The following THSD7A variants were observed in gnomAD, a reference collection of about 807,000 sequenced individuals.
THSD7A encodes the protein thrombospondin type-1 domain-containing protein 7A.
In THSD7A, 96 loss-of-function variants were observed where a neutral mutation model predicts 231.3. The ratio of observed to expected loss-of-function variants is 0.41; its 90% CI spans 0.35 to 0.49. The LOEUF (loss-of-function observed/expected upper bound fraction) is 0.49, where lower values mean the gene tolerates loss of function less well. THSD7A is among the 20% of genes least tolerant of loss of function. THSD7A has a pLI of 0.05. For synonymous variants in THSD7A, 940 were observed against 743.3 expected (o/e 1.26, Z -4.30); for missense variants, 2,290 against 2,070.2 (o/e 1.11, Z -2.06).
intron 1 of THSD7A, among the ~76,000 whole-genome samples, chr7:11,672,925 A>T (rs1376207693): frequency 2.0e-5 from 3 of 152,194 alleles, no homozygotes; most frequent in African/African-American, 7.2e-5. Flanking sequence ...CTGAAGTAAA[A>T]TTATGATTAA....
chr7:11,785,453 T>C (rs112965018), intron 1 of THSD7A, among the ~76,000 whole-genome samples: 2,235 of 152,248 alleles, frequency 0.015, 50 homozygotes, highest in African/African-American at 0.051. Context: ...CTACTTTTCA[T>C]GTTGAACTAC....
intron 1 of THSD7A, among the ~76,000 whole-genome samples, chr7:11,799,362 T>C (rs1784216522): frequency 6.6e-6 from 1 of 152,236 alleles, no homozygotes; most frequent in South Asian, 2.1e-4. Context: ...GTTCTTTTTA[T>C]TTGTAATGAC....
intron 1 of THSD7A, among the ~76,000 whole-genome samples, chr7:11,710,640 T>C (rs1033100326): frequency 1.3e-5 from 2 of 150,826 alleles, no homozygotes; most frequent in Non-Finnish European, 3.0e-5. Flanking sequence ...GCTGACCTAC[T>C]TCTCGGGAAA....
intron 24 of THSD7A, 26 bp downstream of exon 24, chr7:11,382,495 A>C (rs1226066293): frequency 2.5e-6 from 4 of 1,569,770 alleles, no homozygotes; most frequent in Non-Finnish European, 3.5e-6. Flanking sequence ...AGATTTTCAA[A>C]GGACAAAGAG....
chr7:11,528,771 TAA>T (rs1244584966), intron 6 of THSD7A, among the ~76,000 whole-genome samples: 2 of 152,164 alleles, frequency 1.3e-5, no homozygotes, highest in Non-Finnish European at 2.9e-5. Context: ...GCTCCTGAGA[TAA>T]GAAATCTCAT....
intron 4 of THSD7A, among the ~76,000 whole-genome samples, chr7:11,544,338 C>T (rs945658965): frequency 6.7e-6 from 1 of 149,692 alleles, no homozygotes; most frequent in South Asian, 2.1e-4. Flanking sequence ...GAGACACAGT[C>T]GGAAAAAAAA....
intron 1 of THSD7A, among the ~76,000 whole-genome samples, chr7:11,830,235 TG>T (rs1299718037): frequency 6.6e-6 from 1 of 152,230 alleles, no homozygotes; most frequent in Non-Finnish European, 1.5e-5. Context: ...GAATGTTGGC[TG>T]GGCTCTTTTC....
At chr7:11,442,423 C>G (rs1784835221) in intron 13 of THSD7A, among the ~76,000 whole-genome samples, 1 of 151,982 alleles carries the variant, frequency 6.6e-6, no homozygotes, top group Admixed American at 6.6e-5. Flanking sequence ...AACAGAAATA[C>G]CCCAAGGACA....
intron 6 of THSD7A, among the ~76,000 whole-genome samples, chr7:11,507,336 C>G (rs775629691): frequency 9.2e-5 from 14 of 151,976 alleles, no homozygotes; most frequent in Non-Finnish European, 1.9e-4. Context: ...GCAATTCTCA[C>G]CAATACAAAG....
At chr7:11,811,399 T>C (rs1784524837) in intron 1 of THSD7A, among the ~76,000 whole-genome samples, 2 of 152,294 alleles carry the variant, frequency 1.3e-5, no homozygotes, top group South Asian at 4.1e-4. Flanking sequence ...GTTTTCTTCC[T>C]CCTCAAGAGA....
chr7:11,473,104 C>A (rs1786002308), intron 8 of THSD7A, among the ~76,000 whole-genome samples: 1 of 152,114 alleles, frequency 6.6e-6, no homozygotes, highest in South Asian at 2.1e-4. Flanking sequence ...ATTCAAATCT[C>A]ACTGGCATGT....
intron 2 of THSD7A, among the ~76,000 whole-genome samples, chr7:11,602,750 T>C (rs1440618284): frequency 6.6e-6 from 1 of 151,768 alleles, no homozygotes; most frequent in Non-Finnish European, 1.5e-5. Flanking sequence ...CATTGAAACA[T>C]GTGGCACAAA....
chr7:11,488,214 T>A (rs73068781), intron 6 of THSD7A, among the ~76,000 whole-genome samples: 20,273 of 152,220 alleles, frequency 0.13, 1,504 homozygotes, highest in Middle Eastern at 0.19. Context: ...GTTTTTGATA[T>A]GTTTTGTGTT....
rs1045224363 is a variant in THSD7A at position 11,402,045 on chromosome 7, C to T, written c.4238-77G>A. 1.3e-5 allele frequency: 16 copies of T among 1,238,688 alleles called. No individual in the cohort carries two copies. The African/African-American group carries it at 2.0e-4, about 15-fold the overall frequency. The allele number at this position is 1,238,688 out of a possible 1,614,324, so 76.7% of individuals were successfully genotyped here. ...CCCGATAATCATTTTAATTCCAACC[C>T]CAGTAGGCAATGTTTCTGGTATCCC... On this transcript the variant is annotated intron_variant, in intron 22 of 27. Coordinates refer to ENST00000423059, the MANE Select transcript of THSD7A (RefSeq NM_015204.3).
intron 4 of THSD7A, among the ~76,000 whole-genome samples, chr7:11,550,995 A>T (rs948476404): frequency 6.6e-6 from 1 of 152,160 alleles, no homozygotes; most frequent in African/African-American, 2.4e-5. Flanking sequence ...ATTCAAAAAC[A>T]GACACATAAA....
intron 13 of THSD7A, among the ~76,000 whole-genome samples, chr7:11,442,791 G>T (rs951340352): frequency 6.6e-6 from 1 of 152,036 alleles, no homozygotes; most frequent in Admixed American, 6.6e-5. Flanking sequence ...ACCAGATTGA[G>T]AAAGGAATGA....
At chr7:11,614,599 A>G (rs1781043593) in intron 2 of THSD7A, among the ~76,000 whole-genome samples, 1 of 152,244 alleles carries the variant, frequency 6.6e-6, no homozygotes, top group Admixed American at 6.5e-5. Context: ...TTCTAGCTGA[A>G]AGCTAAAGAA....
In THSD7A at chr7:11,634,376, C is replaced by T. The variant is rs533376524; in HGVS notation, c.1022+1754G>A. Among the ~76,000 whole-genome samples, 5 of 152,126 alleles carry T rather than the reference C, an allele frequency of 3.3e-5. No individual in the cohort carries two copies. Among genetic ancestry groups the T allele is most frequent in the East Asian group, 1.9e-4 (1 of 5,190 alleles). ...ATTACACTTTTAATTGAGTAGTCAA[C>T]GTTAAATTAAATGTCTACAGCATGC... On this transcript the variant is annotated intron_variant, in intron 2 of 27. Coordinates refer to ENST00000423059, the MANE Select transcript of THSD7A (RefSeq NM_015204.3). The surrounding 1 kb of genome is among the most constrained non-coding windows in gnomAD (Gnocchi z 4.1).
chr7:11,406,399 T>C lies in THSD7A; in HGVS notation c.4138A>G (p.Ser1380Gly). The C allele has an allele frequency of 1.2e-6, 2 of 1,613,984 alleles. No individual in the cohort carries two copies. The highest frequency in any genetic ancestry group is 2.2e-5 in the East Asian group (1 of 44,870). The change falls in exon 22 of 28, where the codon AGC becomes GGC. Residue 1380 changes from serine (S) to glycine (G), a missense_variant. Ser to Gly is a moderately conservative substitution (Grantham distance 56, BLOSUM62 0). Transcript: ENST00000423059. This position sits in a 1 kb window ranked among gnomAD's most constrained non-coding sequence, Gnocchi z 4.7. ...CAGAATTCCTCATCCACCACTTTGC[T>C]GAAATCATCAGCTGACCCATCACTT... ...VVSDGSADDF[S>G]KVVDEEFCAD...
Sources: allele counts gnomAD v4.1 joint callset (sites outside exome capture counted in the v4.1 genomes callset), GRCh38; gene constraint gnomAD v4.1.1; non-coding constraint Gnocchi (gnomAD v3.1); transcripts MANE v1.5; gene names NCBI Gene and HGNC (gene_info 2026-07-23, HGNC 2026-07-21).